Variants in DHRS3 observed in about 807,000 individuals in gnomAD.
DHRS3 encodes short-chain dehydrogenase/reductase 3.
Under a neutral mutation model 27.2 loss-of-function variants are expected in DHRS3, and 14 were observed. The observed-to-expected ratio is 0.52, with a 90% CI of 0.34 to 0.81. The LOEUF (loss-of-function observed/expected upper bound fraction) is 0.81. DHRS3 is among the 30% of genes least tolerant of loss of function. DHRS3 has a pLI of 0.01. For missense variants in DHRS3, 322 were observed against 406.2 expected (o/e 0.79, Z 1.78); for synonymous variants, 165 against 175.9 (o/e 0.94, Z 0.49).
chr1:12,617,520 GAAAAAAAA>G lies in DHRS3; in HGVS notation c.-180_-173del, dbSNP rs58614555. The G allele has an allele frequency of 1.8e-4, 24 of 131,854 alleles. No individual in the cohort carries two copies. The highest frequency in any genetic ancestry group is 2.5e-4 in the Non-Finnish European group (18 of 71,364). The allele number at this position is 131,854 out of a possible 1,614,324, so 8.2% of individuals were successfully genotyped here. A position where few individuals can be genotyped will look rare whatever the true frequency, so the allele number is the denominator to read the frequency against. On this transcript the variant is annotated 5_prime_UTR_variant, in exon 1 of 6. Transcript: ENST00000616661. ...AATGCAAAGCACCGGGTGAGAAAAAGAAAAAAAAAAAAAAAAAAAAGATAAATTCTCCT... is the reference window on the plus strand; with the variant it reads ...AATGCAAAGCACCGGGTGAGAAAAAGAAAAAAAAAAAAGATAAATTCTCCT...
At chr1:12,585,405 G>A (rs1260267276) in intron 1 of DHRS3, among the ~76,000 whole-genome samples, 2 of 151,956 alleles carry the variant, frequency 1.3e-5, no homozygotes, top group Non-Finnish European at 2.9e-5. Flanking sequence ...CTGTGTGTGT[G>A]TGAGTGAGTG....
chr1:12,576,379 G>A (rs1014075687), intron 4 of DHRS3, among the ~76,000 whole-genome samples: 3 of 151,888 alleles, frequency 2.0e-5, no homozygotes, highest in South Asian at 4.2e-4. Context: ...TGGCTAACAC[G>A]GTGAAACCCT....
At chr1:12,596,873 CAG>C (rs1424523384) in intron 1 of DHRS3, among the ~76,000 whole-genome samples, 1 of 152,174 alleles carries the variant, frequency 6.6e-6, no homozygotes, top group Non-Finnish European at 1.5e-5. Context: ...TGGAGACCCT[CAG>C]AGAAACCAAG....
At chr1:12,570,902 G>C (rs1435902020) in intron 5 of DHRS3, among the ~76,000 whole-genome samples, 2 of 152,252 alleles carry the variant, frequency 1.3e-5, no homozygotes, top group Non-Finnish European at 2.9e-5. Context: ...AGAGAGGGCT[G>C]ATCGGGCTTG....
chr1:12,585,809 C>T (rs921494122), intron 1 of DHRS3, among the ~76,000 whole-genome samples: 8 of 152,162 alleles, frequency 5.3e-5, no homozygotes, highest in East Asian at 1.9e-4. Context: ...GAGGACTGGG[C>T]GGGCGGAGGC....
chr1:12,584,009 G>T (rs1384162087), intron 1 of DHRS3, among the ~76,000 whole-genome samples: 8 of 142,878 alleles, frequency 5.6e-5, no homozygotes, highest in Non-Finnish European at 3.0e-5. Context: ...AGCCCAAGGG[G>T]TAGGTAATCA....
At position 12,572,792 on chromosome 1, in the gene DHRS3, C is replaced by T. The variant is rs1646550117; in HGVS notation, c.760G>A (p.Val254Met). 6.2e-7 allele frequency: 1 copy of T among 1,612,044 alleles called. No individual in the cohort carries two copies. Among genetic ancestry groups the T allele is most frequent in the Non-Finnish European group, 8.5e-7 (1 of 1,179,238 alleles). Residue 254 changes from valine to methionine, a missense_variant, in exon 5 of 6, where the codon GTG becomes ATG. Coordinates refer to ENST00000616661, the MANE Select transcript of DHRS3 (RefSeq NM_004753.7). ...AGGAGGAGGGCCTGGTTGAGCTGCA[C>T]AGCTTCCACTGTCCTCCGGGCCACC... is the stretch of plus-strand genomic sequence containing the variant. ...ETVARRTVEAVQLNQALLLLP... is the reference protein window; with the variant it reads ...ETVARRTVEAMQLNQALLLLP...
intron 1 of DHRS3, 21 bp from the exon 2 acceptor site, chr1:12,580,687 C>T (rs769407972): frequency 1.4e-5 from 22 of 1,603,258 alleles, no homozygotes; most frequent in African/African-American, 6.7e-5. Flanking sequence ...ATAATAACAA[C>T]GCAGAACAAA....
intron 1 of DHRS3, among the ~76,000 whole-genome samples, chr1:12,582,546 C>A (rs2100666551): frequency 6.6e-6 from 1 of 152,262 alleles, no homozygotes; most frequent in South Asian, 2.1e-4. Context: ...GTCTGTTGAA[C>A]TAAAAACAGA....
At chr1:12,582,120 C>T (rs1265941495) in intron 1 of DHRS3, among the ~76,000 whole-genome samples, 1 of 152,144 alleles carries the variant, frequency 6.6e-6, no homozygotes, top group Non-Finnish European at 1.5e-5. Context: ...AGACCCAGAT[C>T]CAACTGATTT....
intron 1 of DHRS3, among the ~76,000 whole-genome samples, chr1:12,581,228 C>A (rs1044772856): frequency 2.0e-5 from 3 of 152,206 alleles, no homozygotes; most frequent in African/African-American, 7.2e-5. Context: ...ACAAGTTTTT[C>A]TTGTATATTA....
chr1:12,579,090 C>T (rs1418102746), intron 3 of DHRS3, 134 bp from the exon 4 acceptor site: 17 of 1,231,166 alleles, frequency 1.4e-5, no homozygotes, highest in South Asian at 7.0e-5. Flanking sequence ...GGGAGAGGGC[C>T]GAGGGCTCCC....
rs1557509331 is a variant in DHRS3, at chr1:12,569,231, T to TCTCACACACACACACACACACACA, written c.825-808_825-807insTGTGTGTGTGTGTGTGTGTGTGAG. ...AAACTCTGTCCCCTCTCTCTCTCTCTCACACACACACACACACACACACAC... is the reference window on the plus strand; with the variant it reads ...AAACTCTGTCCCCTCTCTCTCTCTCTCTCACACACACACACACACACACACACACACACACACACACACACACAC... On this transcript the variant is annotated intron_variant, in intron 5 of 5. Transcript: ENST00000616661. Among the ~76,000 whole-genome samples the TCTCACACACACACACACACACACA allele has an allele frequency of 2.7e-5, 3 of 110,480 alleles. No individual in the cohort carries two copies. In the East Asian group the frequency reaches 6.4e-4, roughly 24 times the overall value. 72.5% of individuals were successfully genotyped at this position (110,480 alleles called of 152,430 possible).
intron 3 of DHRS3, 155 bp from the exon 4 acceptor site, chr1:12,579,111 C>A: frequency 7.8e-7 from 1 of 1,276,946 alleles, no homozygotes; most frequent in Non-Finnish European, 1.1e-6. Flanking sequence ...TGCCCCAGGA[C>A]ACCGAGCATA....
At chr1:12,614,988 A>G (rs533386142) in intron 1 of DHRS3, among the ~76,000 whole-genome samples, 7 of 151,878 alleles carry the variant, frequency 4.6e-5, no homozygotes, top group Non-Finnish European at 7.4e-5. Context: ...CCCAACCCAT[A>G]ATTTCCCCAC....
Position 12,617,385 on chromosome 1 carries a change from C to G in DHRS3, c.-37G>C. On this transcript the variant is annotated 5_prime_UTR_variant, in exon 1 of 6. Coordinates refer to ENST00000616661, the MANE Select transcript of DHRS3 (RefSeq NM_004753.7). ...CGGAGCCGGGCAGGGGGCGAAACTC[C>G]CCGGGCCGAGCAATACAGGAATTAA... is the stretch of plus-strand genomic sequence containing the variant. The G allele has an allele frequency of 6.3e-7, 1 of 1,583,250 alleles. No homozygotes were observed. Among genetic ancestry groups the G allele is most frequent in the South Asian group, 1.1e-5 (1 of 88,660 alleles).
intron 1 of DHRS3, among the ~76,000 whole-genome samples, chr1:12,610,696 C>T (rs1329757685): frequency 6.6e-6 from 1 of 152,212 alleles, no homozygotes; most frequent in East Asian, 1.9e-4. Context: ...TTTGGGCATG[C>T]TAGTGTCTAA....
chr1:12,587,560 T>C (rs1002028116), intron 1 of DHRS3, among the ~76,000 whole-genome samples: 1 of 151,992 alleles, frequency 6.6e-6, no homozygotes, highest in Admixed American at 6.6e-5. Context: ...TTGTTATTTA[T>C]GATCTTAAAA....
At chr1:12,595,640 TGCGGGGAAA>T (rs1299914260) in intron 1 of DHRS3, among the ~76,000 whole-genome samples, 1 of 125,048 alleles carries the variant, frequency 8.0e-6, no homozygotes, top group African/African-American at 3.2e-5. Flanking sequence ...GGGAGGGCTT[TGCGGGGAAA>T]GCGGGGAAAC....
Sources: allele counts gnomAD v4.1 joint callset (sites outside exome capture counted in the v4.1 genomes callset), GRCh38; gene constraint gnomAD v4.1.1; transcripts MANE v1.5; gene names NCBI Gene and HGNC (gene_info 2026-07-23, HGNC 2026-07-21).